RBM18: variants seen among roughly 807,000 people sequenced by gnomAD.
RBM18 encodes RNA binding motif protein 18.
RBM18 carries 18 observed loss-of-function variants against 26.4 expected under a neutral mutation model. The observed-to-expected ratio is 0.68, with a 90% CI of 0.47 to 1.01. The LOEUF is 1.01. Ranked by LOEUF, RBM18 falls within the 50% of genes least tolerant of loss-of-function variation. The probability of loss-of-function intolerance (pLI) is 0.00; values close to 1 mark genes in which losing one functional copy is unlikely to be tolerated. For missense variants in RBM18, 180 were observed against 219.2 expected, an observed-to-expected ratio of 0.82 and a Z score of 1.13; for synonymous variants, 74 against 81.1, an observed-to-expected ratio of 0.91 and a Z score of 0.47.
chr9:122,251,695 G>A (rs1434729493), intron 3 of RBM18, 152 bp downstream of exon 3: 1 of 638,752 alleles, frequency 1.6e-6, no homozygotes, highest in Non-Finnish European at 2.6e-6. Context: ...TGTTTATTGA[G>A]GATCCCTTAT....
chr9:122,263,542 C>G (rs1394665328), intron 1 of RBM18, among the ~76,000 whole-genome samples: 1 of 152,162 alleles, frequency 6.6e-6, no homozygotes, highest in African/African-American at 2.4e-5. Context: ...CAAGCAAGGT[C>G]CCTATCCTCT....
At chr9:122,250,817 G>A (rs952305847) in intron 3 of RBM18, among the ~76,000 whole-genome samples, 2 of 151,954 alleles carry the variant, frequency 1.3e-5, no homozygotes, top group Non-Finnish European at 2.9e-5. Flanking sequence ...ATTAGGCCAA[G>A]TGATTTACAT....
intron 2 of RBM18, among the ~76,000 whole-genome samples, chr9:122,252,559 C>T (rs1831621988): frequency 6.6e-6 from 1 of 152,164 alleles, no homozygotes; most frequent in African/African-American, 2.4e-5. Context: ...GTGATACTTC[C>T]ACAGCACTTG....
rs1182721658 is a variant in RBM18 at position 122,238,415 on chromosome 9, T to C, written c.*3469A>G. 2.6e-5 allele frequency: 4 copies of C among 152,242 alleles called. No individual in the cohort carries two copies. The highest frequency in any genetic ancestry group is 9.6e-5 in the African/African-American group (4 of 41,454). 9.4% of individuals were successfully genotyped at this position (152,242 alleles called of 1,614,324 possible). On this transcript the variant is annotated 3_prime_UTR_variant, in exon 6 of 6. Coordinates refer to ENST00000417201, the MANE Select transcript of RBM18 (RefSeq NM_033117.4). Reference sequence around the variant, plus strand: ...GATTGGAGAGTGACAGGTTGTAATTTTAAGAGGGAGGCCGGGGACTGCCTC... The same window carrying C: ...GATTGGAGAGTGACAGGTTGTAATTCTAAGAGGGAGGCCGGGGACTGCCTC...
At chr9:122,263,755 T>C (rs1353559954) in intron 1 of RBM18, among the ~76,000 whole-genome samples, 2 of 152,312 alleles carry the variant, frequency 1.3e-5, no homozygotes, top group East Asian at 3.9e-4. Flanking sequence ...TTTTCTCATG[T>C]CTAAAATCAG....
chr9:122,255,310 A>T (rs745961985), intron 2 of RBM18, among the ~76,000 whole-genome samples: 1 of 152,222 alleles, frequency 6.6e-6, no homozygotes, highest in Non-Finnish European at 1.5e-5. Flanking sequence ...AGAAGTATGG[A>T]CAATGAGGAG....
Position 122,245,287 on chromosome 9 carries a change from A to G in RBM18, c.382T>C (p.Ser128Pro). 1 of 1,610,228 alleles carries G rather than the reference A, an allele frequency of 6.2e-7. No homozygotes were observed. ...KILPISLEPS[S>P]STEPTQSNLS... Reference sequence around the variant, plus strand: ...TTAGACTGAGTAGGCTCAGTGCTTGAGGATGGCTCGAGACTGATTGGAAGA... The same window carrying G: ...TTAGACTGAGTAGGCTCAGTGCTTGGGGATGGCTCGAGACTGATTGGAAGA... The change falls in exon 5 of 6, where the codon TCA (serine) becomes CCA (proline). Residue 128 changes from serine to proline, a missense_variant. Physicochemically the swap from Ser to Pro is moderately conservative, Grantham distance 74 (BLOSUM62 -1). This residue lies in a region of RBM18 where 103 missense variants were observed against 102.8 expected (regional missense o/e 1.00). Coordinates refer to ENST00000417201, the MANE Select transcript of RBM18 (RefSeq NM_033117.4).
rs1384935250 is a variant in RBM18 at position 122,247,556 on chromosome 9, T to C, written c.289A>G (p.Lys97Glu). Residue 97 changes from lysine to glutamate, a missense_variant, in exon 4 of 6, where the codon AAG becomes GAG. Transcript: ENST00000417201. ...QCLNGKLALS[K>E]KLVVRWAHAQ... ...TGTGCCCATCGCACCACCAGCTTCT[T>C]GGACAGGGCCAACTTGCCATTGAGA... 1 of 1,614,024 alleles carries C rather than the reference T, an allele frequency of 6.2e-7. No homozygotes were observed. Among genetic ancestry groups the C allele is most frequent in the Admixed American group, 1.7e-5 (1 of 60,020 alleles).
chr9:122,243,064 G>A (rs538721699), intron 5 of RBM18, among the ~76,000 whole-genome samples: 7 of 152,252 alleles, frequency 4.6e-5, no homozygotes, highest in East Asian at 3.9e-4. Context: ...TCTTGACCTC[G>A]TGATCCGTCC....
chr9:122,244,863 C>T (rs1239066696), intron 5 of RBM18, among the ~76,000 whole-genome samples: 3 of 152,114 alleles, frequency 2.0e-5, no homozygotes, highest in African/African-American at 4.8e-5. Context: ...CAAACATCTG[C>T]AAACTAAAAT....
chr9:122,244,736 C>T (rs1211591067), intron 5 of RBM18, among the ~76,000 whole-genome samples: 3 of 152,220 alleles, frequency 2.0e-5, no homozygotes, highest in Non-Finnish European at 4.4e-5. Context: ...CAACCATCCA[C>T]TTAACTTCCC....
chr9:122,262,299 AG>A (rs1831811271), intron 1 of RBM18, among the ~76,000 whole-genome samples: 1 of 72,390 alleles, frequency 1.4e-5, no homozygotes, highest in African/African-American at 3.2e-5. Context: ...GTTACTTAAC[AG>A]CTGTTGGCCT....
In RBM18 at chr9:122,240,107, C is replaced by T. The variant is rs776649912; in HGVS notation, c.*1777G>A. The T allele has an allele frequency of 2.0e-5, 3 of 152,176 alleles. No individual in the cohort carries two copies. Among genetic ancestry groups the T allele is most frequent in the Admixed American group, 1.3e-4 (2 of 15,278 alleles). 9.4% of individuals were successfully genotyped at this position (152,176 alleles called of 1,614,324 possible). On this transcript the variant is annotated 3_prime_UTR_variant, in exon 6 of 6. Transcript: ENST00000417201. ...AAATAGCTCTGGTTTCTAAAGGAAA[C>T]AACTCTATATATAATTCTAAGTTTT...
intron 3 of RBM18, among the ~76,000 whole-genome samples, chr9:122,248,402 C>T (rs866578494): frequency 1.3e-5 from 2 of 152,118 alleles, no homozygotes; most frequent in South Asian, 2.1e-4. Flanking sequence ...CTGTACTCCC[C>T]GCAAGGGCCC....
rs562724597 is a variant in RBM18 at position 122,239,877 on chromosome 9, C to A, written c.*2007G>T. ...TCTCAGTTTGACTCTCTAGCCAGAA[C>A]CCTCTGCAGAGAAGGCACTTAGAAG... On this transcript the variant is annotated 3_prime_UTR_variant, in exon 6 of 6. Coordinates refer to ENST00000417201, the MANE Select transcript of RBM18 (RefSeq NM_033117.4). 2 of 152,328 alleles carry A rather than the reference C, an allele frequency of 1.3e-5. No homozygotes were observed. The highest frequency in any genetic ancestry group is 4.1e-4 in the South Asian group (2 of 4,832). 9.4% of individuals were successfully genotyped at this position (152,328 alleles called of 1,614,324 possible). A position where few individuals can be genotyped will look rare whatever the true frequency, so the allele number is the denominator to read the frequency against.
intron 5 of RBM18, among the ~76,000 whole-genome samples, chr9:122,242,444 C>T (rs1346648658): frequency 6.6e-6 from 1 of 152,158 alleles, no homozygotes; most frequent in Non-Finnish European, 1.5e-5. Flanking sequence ...CAGAAAGGTT[C>T]ATTTGCCCAA....
chr9:122,257,682 C>G (rs1831719960), intron 2 of RBM18, among the ~76,000 whole-genome samples: 1 of 152,158 alleles, frequency 6.6e-6, no homozygotes, highest in South Asian at 2.1e-4. Flanking sequence ...AAAAAATTGT[C>G]ATTGTTTTAC....
At position 122,238,645 on chromosome 9, in the gene RBM18, C is replaced by T. The variant is rs559132659; in HGVS notation, c.*3239G>A. 2.0e-5 allele frequency: 3 copies of T among 152,318 alleles called. No individual in the cohort carries two copies. Among genetic ancestry groups the T allele is most frequent in the South Asian group, 2.1e-4 (1 of 4,828 alleles). The allele number at this position is 152,318 out of a possible 1,614,324, so 9.4% of individuals were successfully genotyped here. A position where few individuals can be genotyped will look rare whatever the true frequency, so the allele number is the denominator to read the frequency against. ...GAGAACAGTAGGCTATAGGGTCAGA[C>T]ACGTAGTGAAGGACAGGTCATTAGG... On this transcript the variant is annotated 3_prime_UTR_variant, in exon 6 of 6. Transcript: ENST00000417201.
intron 2 of RBM18, among the ~76,000 whole-genome samples, chr9:122,254,746 T>TAA (rs1375446537): frequency 6.6e-6 from 1 of 152,216 alleles, no homozygotes; most frequent in Non-Finnish European, 1.5e-5. Flanking sequence ...TGCAGATGAA[T>TAA]AAAACTAGGT....
Sources: gnomAD v4.1 joint callset for allele counts (sites outside exome capture counted in the v4.1 genomes callset) on GRCh38, gnomAD v4.1.1 for gene constraint, gnomAD v4.1.1 regional missense constraint, MANE v1.5 for transcripts, NCBI Gene and HGNC (gene_info 2026-07-23, HGNC 2026-07-21) for gene names.